The following BCAR3 variants were observed in gnomAD, a reference collection of about 807,000 sequenced individuals.
The protein encoded by BCAR3 is BCAR3 adaptor protein, NSP family member.
A neutral mutation model predicts 80.1 loss-of-function variants in BCAR3; 37 were observed. That is an observed-to-expected ratio of 0.46 (90% CI 0.36 to 0.61). The LOEUF is 0.61. Among genes scored for constraint, BCAR3 ranks in the 20% least tolerant of loss-of-function variants. BCAR3 has a pLI of 0.00. For synonymous variants in BCAR3, 389 were observed against 418.9 expected, an observed-to-expected ratio of 0.93 and a Z score of 0.87; for missense variants, 978 against 1,068.2, an observed-to-expected ratio of 0.92 and a Z score of 1.18.
At chr1:93,608,956 C>T (rs1180590158) in intron 3 of BCAR3, among the ~76,000 whole-genome samples, 1 of 152,200 alleles carries the variant, frequency 6.6e-6, no homozygotes, top group Admixed American at 6.5e-5. Flanking sequence ...GCAACTCAGG[C>T]CATCGTCAAT....
chr1:93,722,909 GA>G (rs1650452587), intron 2 of BCAR3, among the ~76,000 whole-genome samples: 1 of 152,008 alleles, frequency 6.6e-6, no homozygotes, highest in East Asian at 1.9e-4. Flanking sequence ...CTCTAACCCA[GA>G]AAGAGGAAAA....
intron 11 of BCAR3, among the ~76,000 whole-genome samples, chr1:93,562,641 A>G (rs942928905): frequency 2.2e-4 from 33 of 151,732 alleles, no homozygotes; most frequent in Middle Eastern, 3.4e-3. Flanking sequence ...CGTGGTGGCG[A>G]GCGCCTGTAG....
intron 2 of BCAR3, among the ~76,000 whole-genome samples, chr1:93,772,666 G>A (rs1652400034): frequency 6.6e-6 from 1 of 151,940 alleles, no homozygotes; most frequent in Admixed American, 6.6e-5. Context: ...GTGCAGTGGC[G>A]TGATCTTGGC....
At chr1:93,635,079 G>T (rs1006872395) in intron 3 of BCAR3, among the ~76,000 whole-genome samples, 5 of 152,072 alleles carry the variant, frequency 3.3e-5, no homozygotes, top group Non-Finnish European at 7.3e-5. Context: ...AAACAAGTTA[G>T]CTGGGTGTGG....
intron 3 of BCAR3, chr1:93,613,891 C>G: frequency 6.4e-7 from 1 of 1,550,592 alleles, no homozygotes; most frequent in Non-Finnish European, 8.7e-7. Context: ...CAGCACAGAG[C>G]TGCTGAGAGG....
At chr1:93,818,931 A>C (rs1451738047) in intron 2 of BCAR3, among the ~76,000 whole-genome samples, 1 of 152,256 alleles carries the variant, frequency 6.6e-6, no homozygotes, top group Non-Finnish European at 1.5e-5. Context: ...TAAGTGCTGA[A>C]GAATTGTTAG....
chr1:93,816,161 T>A (rs1337165136), intron 2 of BCAR3, among the ~76,000 whole-genome samples: 1 of 152,290 alleles, frequency 6.6e-6, no homozygotes, highest in African/African-American at 2.4e-5. Context: ...TCTAGTGCTA[T>A]ACCTGGCACA....
chr1:93,741,638 G>A (rs942046055), intron 2 of BCAR3, among the ~76,000 whole-genome samples: 13 of 152,010 alleles, frequency 8.6e-5, no homozygotes, highest in African/African-American at 2.4e-4. Flanking sequence ...TGGCGCTATC[G>A]GCTCACTGCA....
At chr1:93,812,928 C>T (rs183562736) in intron 2 of BCAR3, among the ~76,000 whole-genome samples, 4 of 152,328 alleles carry the variant, frequency 2.6e-5, no homozygotes, top group Non-Finnish European at 5.9e-5. Flanking sequence ...GCTTTTTCTA[C>T]TCTATGTCCT....
rs1274791267 is a variant in BCAR3 at position 93,567,297 on chromosome 1, C to CA, written c.2280dup (p.Ala761CysfsTer2). 1 of 1,614,112 alleles carries CA rather than the reference C, an allele frequency of 6.2e-7. No homozygotes were observed. Among genetic ancestry groups the CA allele is most frequent in the South Asian group, 1.1e-5 (1 of 91,078 alleles). ...CTCTTACCTGCCAGGATCCTCTCAG[C>CA]ATTCATCCGGTAGCTGTCTGCAGCC... On this transcript the variant is annotated frameshift_variant, in exon 11 of 12. Coordinates refer to ENST00000260502, the MANE Select transcript of BCAR3 (RefSeq NM_003567.4). LOFTEE classifies it high-confidence loss of function.
Position 93,735,763 on chromosome 1 carries a change from C to A in BCAR3, c.-62-29621G>T, listed in dbSNP as rs372192610. Among the ~76,000 whole-genome samples, 27 of 152,340 alleles carry A rather than the reference C, an allele frequency of 1.8e-4. No homozygotes were observed. The East Asian group carries it at 2.5e-3, about 14-fold the overall frequency. ...CAGAGAGAAAAGATGATATTTTGGA[C>A]CAAGGCAGCTCGCTTCCATGGCCTG... On this transcript the variant is annotated intron_variant, in intron 2 of 13. Transcript: ENST00000370244.
At chr1:93,790,214 T>C (rs1653093001) in intron 2 of BCAR3, among the ~76,000 whole-genome samples, 2 of 150,552 alleles carry the variant, frequency 1.3e-5, no homozygotes, top group African/African-American at 4.9e-5. Context: ...AACCGAGAGG[T>C]TCATTTGGCT....
At chr1:93,764,020 T>C (rs79239422) in intron 2 of BCAR3, among the ~76,000 whole-genome samples, 2,355 of 152,164 alleles carry the variant, frequency 0.015, 55 homozygotes, top group African/African-American at 0.054. Context: ...CTCCACCTGA[T>C]CACACATAGA....
intron 3 of BCAR3, among the ~76,000 whole-genome samples, chr1:93,704,811 C>A: frequency 6.6e-6 from 1 of 152,258 alleles, no homozygotes; most frequent in South Asian, 2.1e-4. Flanking sequence ...AGCAGCAATT[C>A]TTCTTCTTTT....
At chr1:93,797,043 C>T (rs1219748812) in intron 2 of BCAR3, among the ~76,000 whole-genome samples, 3 of 152,112 alleles carry the variant, frequency 2.0e-5, no homozygotes, top group African/African-American at 4.8e-5. Flanking sequence ...AAGAAGAGGG[C>T]CCATATGTTT....
At chr1:93,718,765 G>A (rs1264482301) in intron 2 of BCAR3, among the ~76,000 whole-genome samples, 2 of 136,942 alleles carry the variant, frequency 1.5e-5, no homozygotes, top group African/African-American at 2.8e-5. Context: ...GCATGATCTC[G>A]GCTCACTGCA....
intron 2 of BCAR3, among the ~76,000 whole-genome samples, chr1:93,751,129 C>A (rs1445162749): frequency 6.6e-6 from 1 of 152,166 alleles, no homozygotes; most frequent in East Asian, 1.9e-4. Context: ...GGGAGGAAGT[C>A]ATCATTTTCC....
intron 2 of BCAR3, among the ~76,000 whole-genome samples, chr1:93,765,205 G>T (rs1399955018): frequency 6.6e-6 from 1 of 152,210 alleles, no homozygotes; most frequent in Non-Finnish European, 1.5e-5. Flanking sequence ...TGTCTCCAGT[G>T]CTGTGTACAA....
intron 3 of BCAR3, among the ~76,000 whole-genome samples, chr1:93,603,328 G>C (rs1162708113): frequency 6.6e-6 from 1 of 152,238 alleles, no homozygotes; most frequent in Non-Finnish European, 1.5e-5. Context: ...CTTGTACACA[G>C]CTGTCATGGA....
Sources: allele counts gnomAD v4.1 joint callset (sites outside exome capture counted in the v4.1 genomes callset), GRCh38; gene constraint gnomAD v4.1.1; transcripts MANE v1.5; gene names NCBI Gene and HGNC (gene_info 2026-07-23, HGNC 2026-07-21).